ARHGAP15: variants seen among roughly 807,000 people sequenced by gnomAD.
The protein encoded by ARHGAP15 is Rho GTPase activating protein 15, also known as rho GTPase-activating protein 15.
ARHGAP15 carries 51 observed loss-of-function variants against 63.7 expected under a neutral mutation model. That is an observed-to-expected ratio of 0.80 (90% confidence interval 0.64 to 1.01). ARHGAP15 has a LOEUF of 1.01. Ranked by LOEUF, ARHGAP15 falls within the 50% of genes least tolerant of loss-of-function variation. The pLI is 0.00. For synonymous variants in ARHGAP15, 191 were observed against 193.8 expected (o/e 0.99, Z 0.12); for missense variants, 560 against 564.6 (o/e 0.99, Z 0.08).
At chr2:143,598,980 A>T (rs1697646643) in intron 11 of ARHGAP15, among the ~76,000 whole-genome samples, 1 of 152,026 alleles carries the variant, frequency 6.6e-6, no homozygotes, top group Non-Finnish European at 1.5e-5. Context: ...GAAGTTAGAA[A>T]GTATGCAACT....
At chr2:143,210,025 A>C (rs74438226) in intron 3 of ARHGAP15, among the ~76,000 whole-genome samples, 3,089 of 152,306 alleles carry the variant, frequency 0.02, 91 homozygotes, top group African/African-American at 0.07. Flanking sequence ...CCCACTGCCT[A>C]GACTGAAATT....
In ARHGAP15 at chr2:143,437,096, T is replaced by C. The variant is rs1303877349; in HGVS notation, c.703+54T>C. On this transcript the variant is annotated intron_variant, in intron 8 of 13. Transcript: ENST00000295095. ...TAAGTTTGTCTAAATGCAGTGCTTA[T>C]GAAATATAAATGCATTGAAATGAGA... is the stretch of plus-strand genomic sequence containing the variant. 4 of 1,543,280 alleles carry C rather than the reference T, an allele frequency of 2.6e-6. No homozygotes were observed. The Admixed American group carries it at 6.6e-5, about 25-fold the overall frequency.
chr2:143,365,695 A>C (rs1686265686), intron 6 of ARHGAP15, among the ~76,000 whole-genome samples: 1 of 152,016 alleles, frequency 6.6e-6, no homozygotes, highest in African/African-American at 2.4e-5. Flanking sequence ...TAGGTCATAC[A>C]GGACCTTAGA....
chr2:143,209,321 A>G (rs1692477857), intron 3 of ARHGAP15, among the ~76,000 whole-genome samples: 1 of 152,186 alleles, frequency 6.6e-6, no homozygotes, highest in Non-Finnish European at 1.5e-5. Context: ...TAATAATGCT[A>G]ATAGAAACCA....
intron 6 of ARHGAP15, among the ~76,000 whole-genome samples, chr2:143,309,305 T>G (rs1683328942): frequency 6.6e-6 from 1 of 152,090 alleles, no homozygotes; most frequent in Non-Finnish European, 1.5e-5. Flanking sequence ...AGATACCATT[T>G]GCAGCTGTTG....
Position 143,668,049 on chromosome 2 carries a change from T to TA in ARHGAP15, c.1139-35360dup, listed in dbSNP as rs558158911. 4.2e-3 allele frequency among the ~76,000 whole-genome samples: 629 copies of TA among 148,782 alleles called. 2 individuals are homozygous for TA. The highest frequency in any genetic ancestry group is 0.014 in the African/African-American group (573 of 40,746). On this transcript the variant is annotated intron_variant, in intron 12 of 13. Transcript: ENST00000295095. ...ACATATTTTTAAAAAGAGAAACATT[T>TA]AAAAAAAAAAGTTGAAGGAGAAAGG...
chr2:143,256,387 T>G (rs1024456322), intron 6 of ARHGAP15, among the ~76,000 whole-genome samples: 1 of 152,130 alleles, frequency 6.6e-6, no homozygotes, highest in Admixed American at 6.6e-5. Flanking sequence ...ATACACAACA[T>G]GAAAATCTTT....
chr2:143,153,831 TTCTTCTTCTTCTTCCTCC>T lies in ARHGAP15; in HGVS notation c.-14-1643_-14-1626del, dbSNP rs1689950764. Among the ~76,000 whole-genome samples, 4 of 63,634 alleles carry T rather than the reference TTCTTCTTCTTCTTCCTCC, an allele frequency of 6.3e-5. 1 individual carries two copies. Among genetic ancestry groups the T allele is most frequent in the African/African-American group, 1.7e-4 (3 of 17,720 alleles). 41.7% of individuals were successfully genotyped at this position (63,634 alleles called of 152,430 possible). On this transcript the variant is annotated intron_variant, in intron 1 of 13. Coordinates refer to ENST00000295095, the MANE Select transcript of ARHGAP15 (RefSeq NM_018460.4). ...CTTCTTCTTCTTCTTCTTCTTCTTCTTCTTCTTCTTCTTCCTCCTCCTCCTCCTCCTCCTCCTCCTCTT... is the reference window on the plus strand; with the variant it reads ...CTTCTTCTTCTTCTTCTTCTTCTTCTTCCTCCTCCTCCTCCTCCTCCTCTT...
intron 13 of ARHGAP15, among the ~76,000 whole-genome samples, chr2:143,725,384 A>C (rs1356562748): frequency 6.6e-6 from 1 of 152,236 alleles, no homozygotes; most frequent in Non-Finnish European, 1.5e-5. Flanking sequence ...TGGCCTGTGG[A>C]GAAGACACCA....
chr2:143,212,917 GAGA>G (rs1692613640), intron 3 of ARHGAP15, among the ~76,000 whole-genome samples: 1 of 152,126 alleles, frequency 6.6e-6, no homozygotes, highest in Non-Finnish European at 1.5e-5. Context: ...TTGCCAGCAT[GAGA>G]CCCTTTACAA....
chr2:143,389,129 TTATTA>T (rs1558938560), intron 6 of ARHGAP15, among the ~76,000 whole-genome samples: 12 of 148,658 alleles, frequency 8.1e-5, no homozygotes, highest in African/African-American at 2.5e-4. Flanking sequence ...ATTATTATTA[TTATTA>T]TTTTTTATTA....
intron 6 of ARHGAP15, among the ~76,000 whole-genome samples, chr2:143,428,799 C>T (rs1249400157): frequency 2.6e-5 from 4 of 151,790 alleles, no homozygotes; most frequent in Non-Finnish European, 5.9e-5. Context: ...AAAATAATAC[C>T]AATTTGAAAA....
intron 6 of ARHGAP15, among the ~76,000 whole-genome samples, chr2:143,300,464 C>T (rs911029559): frequency 4.6e-5 from 7 of 151,846 alleles, no homozygotes; most frequent in African/African-American, 1.7e-4. Flanking sequence ...TTGGTGTATC[C>T]CTAACTAATA....
intron 11 of ARHGAP15, among the ~76,000 whole-genome samples, chr2:143,605,126 C>T (rs1697937617): frequency 6.6e-6 from 1 of 152,064 alleles, no homozygotes; most frequent in Non-Finnish European, 1.5e-5. Flanking sequence ...CCAGGTGGGT[C>T]TTGAACTCCT....
At chr2:143,316,707 C>A (rs994314124) in intron 6 of ARHGAP15, among the ~76,000 whole-genome samples, 1 of 150,612 alleles carries the variant, frequency 6.6e-6, no homozygotes, top group Admixed American at 6.6e-5. Context: ...ATTCTCTGAT[C>A]AATTCTGTCT....
At chr2:143,315,446 G>GT (rs1274657972) in intron 6 of ARHGAP15, among the ~76,000 whole-genome samples, 4 of 151,980 alleles carry the variant, frequency 2.6e-5, no homozygotes, top group Non-Finnish European at 5.9e-5. Flanking sequence ...ATATACATGT[G>GT]GCTCCCAAGC....
intron 8 of ARHGAP15, among the ~76,000 whole-genome samples, chr2:143,471,605 G>T (rs1574495513): frequency 2.0e-5 from 3 of 152,236 alleles, no homozygotes; most frequent in East Asian, 3.9e-4. Context: ...CCTAGGAGAG[G>T]AGGGAATGTT....
chr2:143,646,402 T>G (rs559044636), intron 12 of ARHGAP15, among the ~76,000 whole-genome samples: 3 of 152,184 alleles, frequency 2.0e-5, no homozygotes, highest in South Asian at 2.1e-4. Context: ...AGTTGGAGGC[T>G]CTGCCTTTTT....
intron 6 of ARHGAP15, among the ~76,000 whole-genome samples, chr2:143,327,738 A>C (rs1402095861): frequency 6.6e-6 from 1 of 152,220 alleles, no homozygotes; most frequent in East Asian, 1.9e-4. Context: ...AATGGCAACA[A>C]AAGCCAAAAT....
Sources: allele counts gnomAD v4.1 joint callset (sites outside exome capture counted in the v4.1 genomes callset), GRCh38; gene constraint gnomAD v4.1.1; transcripts MANE v1.5; gene names NCBI Gene and HGNC (gene_info 2026-07-23, HGNC 2026-07-21).